The following TRAP1 variants were observed in gnomAD, a reference collection of about 807,000 sequenced individuals.
TRAP1 encodes heat shock protein 75 kDa, mitochondrial.
In TRAP1, 102 loss-of-function variants were observed where a neutral mutation model predicts 89.1. That is an observed-to-expected ratio of 1.15 (90% CI 0.98 to 1.35). TRAP1 has a LOEUF of 1.35. Among genes scored for constraint, TRAP1 ranks in the 40% most tolerant of loss-of-function variants. The pLI, the probability that TRAP1 is intolerant of heterozygous loss-of-function variation, is 0.00. For missense variants in TRAP1, 1,256 were observed against 945.3 expected, an observed-to-expected ratio of 1.33 and a Z score of -4.31; for synonymous variants, 508 against 388.0, an observed-to-expected ratio of 1.31 and a Z score of -3.64.
chr16:3,717,474 C>A lies in TRAP1; in HGVS notation c.35G>T (p.Gly12Val). 2.3e-6 allele frequency: 3 copies of A among 1,324,114 alleles called. No homozygotes were observed. The highest frequency in any genetic ancestry group is 2.9e-6 in the Non-Finnish European group (3 of 1,041,956). 82.0% of individuals were successfully genotyped at this position (1,324,114 alleles called of 1,614,324 possible). Residue 12 changes from glycine (G) to valine (V), a missense_variant, in exon 1 of 18, where the codon GGC becomes GTC. By Grantham distance (109) the Gly-to-Val change is moderately radical. Coordinates refer to ENST00000246957, the MANE Select transcript of TRAP1 (RefSeq NM_016292.3). ...CCGCAGCAAAGGCCGCAGGCGGCGG[C>A]CCCACAGCAGCAGCGCCCGCAGCTC... ...ARELRALLLWGRRLRPLLRAP... is the reference protein window; with the variant it reads ...ARELRALLLWVRRLRPLLRAP...
intron 2 of TRAP1, chr16:3,689,682 A>T (rs1427136039): frequency 6.6e-6 from 1 of 152,494 alleles, no homozygotes; most frequent in Non-Finnish European, 1.5e-5. Flanking sequence ...TCTACAAAAA[A>T]TACACAAAGT....
intron 11 of TRAP1, among the ~76,000 whole-genome samples, chr16:3,671,349 G>C (rs182873245): frequency 6.6e-6 from 1 of 152,252 alleles, no homozygotes; most frequent in Non-Finnish European, 1.5e-5. Flanking sequence ...TGGGGCCAGA[G>C]TGGGGAAGTG....
At chr16:3,703,742 G>A (rs767763068) in intron 1 of TRAP1, among the ~76,000 whole-genome samples, 2 of 151,988 alleles carry the variant, frequency 1.3e-5, no homozygotes, top group Non-Finnish European at 2.9e-5. Context: ...TAGGCTGGGC[G>A]CGGTGGCTTA....
At chr16:3,715,647 C>G (rs998777399) in intron 1 of TRAP1, among the ~76,000 whole-genome samples, 1 of 151,892 alleles carries the variant, frequency 6.6e-6, no homozygotes, top group Non-Finnish European at 1.5e-5. Flanking sequence ...GAAACGAGAA[C>G]CAAATTAACA....
At chr16:3,706,970 C>T (rs943827387) in intron 1 of TRAP1, among the ~76,000 whole-genome samples, 3 of 151,968 alleles carry the variant, frequency 2.0e-5, no homozygotes, top group Admixed American at 6.6e-5. Context: ...GAGGTCGCAC[C>T]GTTTTACATT....
At chr16:3,671,948 G>T (rs929457773) in intron 10 of TRAP1, among the ~76,000 whole-genome samples, 157 bp from the exon 11 acceptor site, 1 of 152,232 alleles carries the variant, frequency 6.6e-6, no homozygotes, top group African/African-American at 2.4e-5. Flanking sequence ...CTTCCTCTAC[G>T]TCCTGCCACC....
intron 1 of TRAP1, among the ~76,000 whole-genome samples, chr16:3,701,658 A>G (rs2051367107): frequency 6.6e-6 from 1 of 152,150 alleles, no homozygotes; most frequent in African/African-American, 2.4e-5. Flanking sequence ...ACCAAACTAT[A>G]TATGAACACA....
At chr16:3,698,950 T>C (rs529627278) in intron 1 of TRAP1, among the ~76,000 whole-genome samples, 5 of 152,120 alleles carry the variant, frequency 3.3e-5, no homozygotes, top group South Asian at 2.1e-4. Context: ...CTGAACCAGA[T>C]ACCAAACACG....
intron 1 of TRAP1, among the ~76,000 whole-genome samples, chr16:3,704,905 G>C (rs1271084614): frequency 6.6e-6 from 1 of 151,698 alleles, no homozygotes; most frequent in Non-Finnish European, 1.5e-5. Flanking sequence ...ATTCCAGATG[G>C]ACCATAGAAG....
chr16:3,676,202 C>G (rs965348241), intron 6 of TRAP1, 57 bp from the exon 7 acceptor site: 10 of 1,477,554 alleles, frequency 6.8e-6, no homozygotes, highest in Middle Eastern at 1.8e-4. Flanking sequence ...ACATACCCTG[C>G]ATGGGACTCC....
At chr16:3,666,717 A>G (rs1339447580) in intron 11 of TRAP1, among the ~76,000 whole-genome samples, 1 of 152,220 alleles carries the variant, frequency 6.6e-6, no homozygotes, top group African/African-American at 2.4e-5. Flanking sequence ...ACAATTTTCC[A>G]TCATTAGGAG....
At chr16:3,677,807 G>T in intron 5 of TRAP1, 149 bp from the exon 6 acceptor site, 1 of 891,520 alleles carries the variant, frequency 1.1e-6, no homozygotes, top group Non-Finnish European at 1.7e-6. Flanking sequence ...TACACGTGAA[G>T]AGCTAAGTCA....
At position 3,658,281 on chromosome 16, in the gene TRAP1, ATTTTTTT is replaced by A. The variant is rs35081909; in HGVS notation, c.2014-58_2014-52del. ...TATGAGGGGCATGGGGCACCTTTTC[ATTTTTTT>A]TTTTTTGAGACAGAGTCTCACTGTT... On this transcript the variant is annotated intron_variant, in intron 17 of 17. Transcript: ENST00000246957. The A allele has an allele frequency of 9.8e-4, 1,193 of 1,216,772 alleles. 4 individuals are homozygous for A. The highest frequency in any genetic ancestry group is 1.2e-3 in the Non-Finnish European group (1,066 of 864,448). 75.4% of individuals were successfully genotyped at this position (1,216,772 alleles called of 1,614,324 possible).
chr16:3,672,871 G>A, intron 9 of TRAP1, 51 bp from the exon 10 acceptor site: 1 of 1,567,778 alleles, frequency 6.4e-7, no homozygotes, highest in Non-Finnish European at 8.6e-7. Context: ...TCCCCAGGCA[G>A]GCCCTGGCTG....
intron 4 of TRAP1, among the ~76,000 whole-genome samples, chr16:3,681,037 A>G (rs2051067437): frequency 2.6e-5 from 4 of 152,100 alleles, no homozygotes. Context: ...CTTACTGACC[A>G]TGGGCTCCTC....
intron 4 of TRAP1, among the ~76,000 whole-genome samples, chr16:3,683,061 G>A (rs966885978): frequency 3.3e-5 from 5 of 151,914 alleles, no homozygotes; most frequent in African/African-American, 9.7e-5. Context: ...CCAGCTACTC[G>A]AGAGACTGAA....
At chr16:3,677,354 C>G in intron 6 of TRAP1, 144 bp downstream of exon 6, 3 of 1,143,324 alleles carry the variant, frequency 2.6e-6, no homozygotes, top group Non-Finnish European at 3.7e-6. Context: ...AAGTCACTAA[C>G]TCCCCAAAAT....
chr16:3,690,540 C>G (rs953562819), intron 2 of TRAP1, among the ~76,000 whole-genome samples: 2 of 152,182 alleles, frequency 1.3e-5, no homozygotes, highest in African/African-American at 4.8e-5. Context: ...AGTTTCCCCT[C>G]CCGCTTCCAT....
rs1025921130 is a variant in TRAP1 at position 3,714,995 on chromosome 16, C to G, written c.88+2426G>C. The stretch of plus-strand genomic sequence containing the variant: ...CAATCAATCCAAACAATTTACCTTC[C>G]CATTCATCCACACAGGTGACAATGA... On this transcript the variant is annotated intron_variant, in intron 1 of 17. Transcript: ENST00000246957. 3.3e-5 allele frequency among the ~76,000 whole-genome samples: 5 copies of G among 152,146 alleles called. No individual in the cohort carries two copies. In the East Asian group the frequency reaches 7.7e-4, roughly 23 times the overall value.
Sources: gnomAD v4.1 joint callset for allele counts (sites outside exome capture counted in the v4.1 genomes callset) on GRCh38, gnomAD v4.1.1 for gene constraint, MANE v1.5 for transcripts, NCBI Gene and HGNC (gene_info 2026-07-23, HGNC 2026-07-21) for gene names.